Variants in TENM3 observed in about 807,000 individuals in gnomAD.
TENM3 encodes the protein teneurin transmembrane protein 3.
Under a neutral mutation model 255.1 loss-of-function variants are expected in TENM3, and 63 were observed. The observed-to-expected ratio is 0.25, with a 90% CI of 0.20 to 0.30. The LOEUF (loss-of-function observed/expected upper bound fraction) is 0.30, where lower values mean the gene tolerates loss of function less well. TENM3 is among the 10% of genes least tolerant of loss of function. The pLI is 1.00. For missense variants in TENM3, 2,929 were observed against 3,461.1 expected, an observed-to-expected ratio of 0.85 and a Z score of 3.86; for synonymous variants, 1,306 against 1,322.3, an observed-to-expected ratio of 0.99 and a Z score of 0.27.
chr4:181,887,493 TTC>T, the TENM3 span, among the ~76,000 whole-genome samples: 46 of 152,324 alleles, frequency 3.0e-4, no homozygotes, highest in South Asian at 7.5e-3. Context: ...GTTCTCTTCA[TTC>T]TCTTTCTTTC....
intron 3 of TENM3, among the ~76,000 whole-genome samples, chr4:182,576,471 A>C (rs1744932642): frequency 1.3e-5 from 2 of 152,196 alleles, no homozygotes; most frequent in African/African-American, 4.8e-5. Flanking sequence ...GTAGAGTTCT[A>C]AAATGATGAG....
the TENM3 span, among the ~76,000 whole-genome samples, chr4:181,543,012 C>T: frequency 6.6e-6 from 1 of 152,172 alleles, no homozygotes; most frequent in African/African-American, 2.4e-5. Flanking sequence ...AGCCAACTCT[C>T]AACTAACTAA....
intron 1 of TENM3, among the ~76,000 whole-genome samples, chr4:182,171,020 A>G (rs1051504316): frequency 2.6e-5 from 4 of 152,182 alleles, no homozygotes; most frequent in Non-Finnish European, 5.9e-5. Flanking sequence ...CATCAGGGTC[A>G]ATACATGCTT....
chr4:182,736,528 A>G (rs1761179940), intron 16 of TENM3, among the ~76,000 whole-genome samples: 1 of 152,228 alleles, frequency 6.6e-6, no homozygotes, highest in South Asian at 2.1e-4. Context: ...AATAAATGAC[A>G]GGAGGCTTTT....
the TENM3 span, among the ~76,000 whole-genome samples, chr4:181,938,935 A>G: frequency 5.8e-4 from 89 of 152,310 alleles, no homozygotes; most frequent in East Asian, 0.017. Flanking sequence ...TAAATGGTAC[A>G]TTGTCCTAGT....
chr4:182,372,471 T>C (rs1269541666), intron 3 of TENM3, among the ~76,000 whole-genome samples: 1 of 152,222 alleles, frequency 6.6e-6, no homozygotes, highest in African/African-American at 2.4e-5. Context: ...CATAATTCCT[T>C]CTATTTCTTC....
chr4:181,961,418 T>C, the TENM3 span, among the ~76,000 whole-genome samples: 6 of 152,242 alleles, frequency 3.9e-5, no homozygotes, highest in African/African-American at 1.4e-4. Flanking sequence ...GTTTTTGTGG[T>C]TTTTTGTTGT....
At chr4:181,578,888 C>T in the TENM3 span, among the ~76,000 whole-genome samples, 3 of 152,140 alleles carry the variant, frequency 2.0e-5, no homozygotes, top group African/African-American at 7.2e-5. Flanking sequence ...TTCCGAGGTA[C>T]TAGGGGCTAG....
exon 1 of TENM3, chr4:182,144,743 G>C (rs1236758640): frequency 4.1e-5 from 6 of 146,844 alleles, no homozygotes; most frequent in Non-Finnish European, 7.6e-5. Flanking sequence ...CGGCGCGGGC[G>C]AGCCGAGCGC....
the TENM3 span, among the ~76,000 whole-genome samples, chr4:181,492,536 T>G: frequency 6.6e-6 from 1 of 152,220 alleles, no homozygotes; most frequent in Non-Finnish European, 1.5e-5. Context: ...TGTTTTCCAT[T>G]AACATAACGG....
the TENM3 span, among the ~76,000 whole-genome samples, chr4:181,966,058 A>G: frequency 1.3e-5 from 2 of 152,304 alleles, no homozygotes; most frequent in East Asian, 1.9e-4. Flanking sequence ...AATTTCTTAA[A>G]ATGCCTGCAT....
At chr4:181,748,509 T>C in the TENM3 span, among the ~76,000 whole-genome samples, 1 of 152,124 alleles carries the variant, frequency 6.6e-6, no homozygotes, top group Non-Finnish European at 1.5e-5. Context: ...TGACTGTTTC[T>C]GTATCGAAAT....
At chr4:182,557,519 T>A (rs777544029) in intron 3 of TENM3, among the ~76,000 whole-genome samples, 2 of 152,208 alleles carry the variant, frequency 1.3e-5, no homozygotes, top group Admixed American at 1.3e-4. Flanking sequence ...GAGCCCTCAT[T>A]TCTACGGAAC....
At chr4:182,663,995 A>G (rs561790963) in intron 6 of TENM3, among the ~76,000 whole-genome samples, 18 of 152,328 alleles carry the variant, frequency 1.2e-4, no homozygotes, top group South Asian at 1.0e-3. Context: ...TTTATCTGGT[A>G]TACTCAGAAT....
At chr4:181,899,590 A>G in the TENM3 span, among the ~76,000 whole-genome samples, 1,324 of 151,414 alleles carry the variant, frequency 8.7e-3, 21 homozygotes, top group African/African-American at 0.03. Context: ...TTTTTTTGAG[A>G]CAGAGTCTCT....
At chr4:182,098,993 ACT>A in the TENM3 span, among the ~76,000 whole-genome samples, 106 of 122,952 alleles carry the variant, frequency 8.6e-4, no homozygotes, top group African/African-American at 3.3e-3. Flanking sequence ...ACAGAGTCTC[ACT>A]CTGTCACCCA....
the TENM3 span, among the ~76,000 whole-genome samples, chr4:182,048,689 A>C: frequency 6.6e-6 from 1 of 152,166 alleles, no homozygotes; most frequent in Admixed American, 6.5e-5. Flanking sequence ...AAAAAGAAAA[A>C]TCCCTCTCAG....
the TENM3 span, among the ~76,000 whole-genome samples, chr4:181,504,448 T>A: frequency 6.6e-6 from 1 of 152,206 alleles, no homozygotes; most frequent in Non-Finnish European, 1.5e-5. Flanking sequence ...GAAATGCTTC[T>A]CTAGGAAAAG....
chr4:182,153,084 T>C (rs1750457094), intron 1 of TENM3, among the ~76,000 whole-genome samples: 1 of 151,936 alleles, frequency 6.6e-6, no homozygotes, highest in African/African-American at 2.4e-5. Context: ...GATCTTTCTT[T>C]ATACTGGTAA....
Sources: gnomAD v4.1 joint callset for allele counts (sites outside exome capture counted in the v4.1 genomes callset) on GRCh38, gnomAD v4.1.1 for gene constraint, MANE v1.5 for transcripts, NCBI Gene and HGNC (gene_info 2026-07-23, HGNC 2026-07-21) for gene names.